The following IP6K3 variants were observed in gnomAD, a reference collection of about 807,000 sequenced individuals.
The protein encoded by IP6K3 is inositol hexakisphosphate kinase 3.
In IP6K3, 20 loss-of-function variants were observed where a neutral mutation model predicts 28.8. That is an observed-to-expected ratio of 0.70 (90% CI 0.49 to 1.01). IP6K3 has a LOEUF of 1.01. IP6K3 is among the 50% of genes least tolerant of loss of function. The pLI, the probability that IP6K3 is intolerant of heterozygous loss-of-function variation, is 0.00. For synonymous variants in IP6K3, 213 were observed against 221.3 expected, an observed-to-expected ratio of 0.96 and a Z score of 0.33; for missense variants, 480 against 537.1, an observed-to-expected ratio of 0.89 and a Z score of 1.05.
the IP6K3 span, among the ~76,000 whole-genome samples, chr6:33,754,849 A>G: frequency 6.6e-6 from 1 of 152,226 alleles, no homozygotes. Flanking sequence ...AGCCCTTATT[A>G]TGTGCCAGGC....
upstream of IP6K3, among the ~76,000 whole-genome samples, chr6:33,751,444 T>C (rs1262931795): frequency 1.3e-5 from 2 of 151,732 alleles, no homozygotes; most frequent in Non-Finnish European, 2.9e-5. This position sits in a 1 kb window ranked among gnomAD's most constrained non-coding sequence, Gnocchi z 4.3. Context: ...GCAAGGGTGT[T>C]ACCACTTAGG....
intron 1 of IP6K3, among the ~76,000 whole-genome samples, chr6:33,740,949 G>C (rs1766698177): frequency 6.6e-6 from 1 of 152,234 alleles, no homozygotes; most frequent in Non-Finnish European, 1.5e-5. Flanking sequence ...CTGGCTGACT[G>C]TGGCCATTGT....
In IP6K3 at chr6:33,721,999, GA is replaced by G. The variant is rs1354103209; in HGVS notation, c.*720del. The G allele has an allele frequency of 6.6e-6, 1 of 152,204 alleles. No individual in the cohort carries two copies. 9.4% of individuals were successfully genotyped at this position (152,204 alleles called of 1,614,324 possible). A position where few individuals can be genotyped will look rare whatever the true frequency, so the allele number is the denominator to read the frequency against. The stretch of plus-strand genomic sequence containing the variant: ...CATGGTCAGAATGTGGCAGAATGGG[GA>G]ACTCCAAAGTCTGCTAAGAGATTCC... On this transcript the variant is annotated 3_prime_UTR_variant, in exon 6 of 6. Coordinates refer to ENST00000293756, the MANE Select transcript of IP6K3 (RefSeq NM_054111.5).
At chr6:33,756,225 A>G in the IP6K3 span, among the ~76,000 whole-genome samples, 1 of 152,232 alleles carries the variant, frequency 6.6e-6, no homozygotes, top group Non-Finnish European at 1.5e-5. Flanking sequence ...GAGAAAAAAA[A>G]TGCAGTGAAT....
chr6:33,755,541 C>A, the IP6K3 span, among the ~76,000 whole-genome samples: 1 of 152,230 alleles, frequency 6.6e-6, no homozygotes. Context: ...ATACCAGACA[C>A]CCAGTCACAT....
chr6:33,736,208 A>G (rs965601886), intron 1 of IP6K3, among the ~76,000 whole-genome samples: 3 of 152,116 alleles, frequency 2.0e-5, no homozygotes, highest in African/African-American at 7.2e-5. Context: ...TTTAAATATT[A>G]AAACATTTTA....
the IP6K3 span, among the ~76,000 whole-genome samples, chr6:33,758,676 T>C: frequency 6.6e-6 from 1 of 152,168 alleles, no homozygotes; most frequent in East Asian, 1.9e-4. Flanking sequence ...CTTGGCTAAC[T>C]GCAACCTCTG....
At chr6:33,729,602 G>A (rs1178776184) in intron 2 of IP6K3, among the ~76,000 whole-genome samples, 1 of 152,232 alleles carries the variant, frequency 6.6e-6, no homozygotes, top group Non-Finnish European at 1.5e-5. Flanking sequence ...TGGCCCTCCT[G>A]GCCTGGGGTG....
intron 1 of IP6K3, among the ~76,000 whole-genome samples, chr6:33,743,498 G>A (rs571728216): frequency 3.9e-5 from 6 of 152,298 alleles, no homozygotes; most frequent in Non-Finnish European, 7.4e-5. Flanking sequence ...GTAATGGGCA[G>A]GAGAAATTTG....
In IP6K3 at chr6:33,728,097, G is replaced by T; in HGVS notation, c.403C>A (p.Pro135Thr). ...GCCCAGTGCCCTCACCTCTCCTTGG[G>T]TGAGCGTGCCAGCTGGGCATGCGGC... Reference protein sequence around the residue: ...QWPHAQLARSPKESPAKALLR... With the variant: ...QWPHAQLARSTKESPAKALLR... The change falls in exon 3 of 6, where the codon CCC (proline) becomes ACC (threonine). Residue 135 changes from proline to threonine, a missense_variant. Transcript: ENST00000293756. 1 of 1,604,270 alleles carries T rather than the reference G, an allele frequency of 6.2e-7. No individual in the cohort carries two copies. Among genetic ancestry groups the T allele is most frequent in the Non-Finnish European group, 8.5e-7 (1 of 1,179,850 alleles).
At chr6:33,738,579 C>T (rs570332777) in intron 1 of IP6K3, among the ~76,000 whole-genome samples, 2 of 152,310 alleles carry the variant, frequency 1.3e-5, no homozygotes, top group Admixed American at 1.3e-4. Flanking sequence ...GTGTTACCAG[C>T]CCCGTTTTAC....
the IP6K3 span, among the ~76,000 whole-genome samples, chr6:33,753,964 A>G: frequency 3.3e-5 from 5 of 152,088 alleles, no homozygotes; most frequent in Non-Finnish European, 7.4e-5. Flanking sequence ...GCCCGCTACC[A>G]TGCCTGGCTA....
intron 5 of IP6K3, among the ~76,000 whole-genome samples, chr6:33,723,996 G>A (rs1454697011): frequency 7.5e-6 from 1 of 133,918 alleles, no homozygotes; most frequent in African/African-American, 3.0e-5. Flanking sequence ...GGCATGGCCG[G>A]GGGGGGGTGG....
At chr6:33,747,727 T>G (rs947209631), upstream of IP6K3, among the ~76,000 whole-genome samples, 5 of 151,658 alleles carry the variant, frequency 3.3e-5, no homozygotes, top group African/African-American at 1.2e-4. This position sits in a 1 kb window ranked among gnomAD's most constrained non-coding sequence, Gnocchi z 5.2. Flanking sequence ...TGGGGAGAGA[T>G]GGGGCAGGGA....
chr6:33,750,017 T>TC (rs1766999005), upstream of IP6K3, among the ~76,000 whole-genome samples: 1 of 152,098 alleles, frequency 6.6e-6, no homozygotes, highest in Admixed American at 6.5e-5. This position sits in a 1 kb window ranked among gnomAD's most constrained non-coding sequence, Gnocchi z 4.3. Context: ...TCTGGCCAGC[T>TC]CCCCCTTGGC....
intron 1 of IP6K3, among the ~76,000 whole-genome samples, chr6:33,739,468 G>C (rs1766644223): frequency 6.6e-6 from 1 of 152,154 alleles, no homozygotes; most frequent in Admixed American, 6.5e-5. Context: ...GCTTCAGCTG[G>C]GGCTGGGCAG....
chr6:33,756,218 A>G, the IP6K3 span, among the ~76,000 whole-genome samples: 1 of 151,868 alleles, frequency 6.6e-6, no homozygotes, highest in South Asian at 2.1e-4. Context: ...TGTGGTAGAG[A>G]AAAAAAATGC....
intron 2 of IP6K3, among the ~76,000 whole-genome samples, chr6:33,729,766 T>G (rs1398581050): frequency 6.6e-6 from 1 of 151,748 alleles, no homozygotes; most frequent in African/African-American, 2.4e-5. Context: ...CAGGCTGGAG[T>G]GCAGTGGCGC....
At chr6:33,732,677 G>T (rs886488104) in intron 2 of IP6K3, among the ~76,000 whole-genome samples, 1 of 152,230 alleles carries the variant, frequency 6.6e-6, no homozygotes, top group African/African-American at 2.4e-5. Flanking sequence ...CTGTGCCTCA[G>T]CTTCCTCATC....
Sources: gnomAD v4.1 joint callset for allele counts (sites outside exome capture counted in the v4.1 genomes callset) on GRCh38, gnomAD v4.1.1 for gene constraint, Gnocchi (gnomAD v3.1) non-coding constraint, MANE v1.5 for transcripts, NCBI Gene and HGNC (gene_info 2026-07-23, HGNC 2026-07-21) for gene names.